ARK2N: variants seen among roughly 807,000 people sequenced by gnomAD.
The protein encoded by ARK2N is protein ARK2N.
the ARK2N span, among the ~76,000 whole-genome samples, chr18:46,193,082 C>T: frequency 2.0e-5 from 3 of 151,836 alleles, no homozygotes; most frequent in Admixed American, 2.0e-4. Flanking sequence ...AGGAGAATTG[C>T]TTGAACCTGG....
the ARK2N span, among the ~76,000 whole-genome samples, chr18:46,203,702 C>T: frequency 2.6e-5 from 4 of 152,066 alleles, no homozygotes; most frequent in African/African-American, 9.7e-5. Context: ...ATTCTTGTGC[C>T]TCGCCTCCTG....
chr18:46,200,316 G>GT, the ARK2N span, among the ~76,000 whole-genome samples: 95 of 150,278 alleles, frequency 6.3e-4, no homozygotes, highest in African/African-American at 2.0e-3. Context: ...TTGTTCGTTT[G>GT]TTTTTTTTTA....
At chr18:46,193,475 G>T in the ARK2N span, among the ~76,000 whole-genome samples, 1 of 151,772 alleles carries the variant, frequency 6.6e-6, no homozygotes, top group African/African-American at 2.4e-5. Flanking sequence ...TTTTAGTAGA[G>T]ATGGGGTTTC....
the ARK2N span, among the ~76,000 whole-genome samples, chr18:46,236,071 TAGTG>T: frequency 6.6e-6 from 1 of 152,228 alleles, no homozygotes; most frequent in African/African-American, 2.4e-5. Flanking sequence ...GATAGAAGCT[TAGTG>T]AGACAGTACA....
At chr18:46,220,346 A>G in the ARK2N span, among the ~76,000 whole-genome samples, 4 of 152,184 alleles carry the variant, frequency 2.6e-5, no homozygotes, top group Non-Finnish European at 4.4e-5. Context: ...ATTACTCACC[A>G]TACATATTTA....
At chr18:46,244,116 A>G in the ARK2N span, among the ~76,000 whole-genome samples, 2 of 152,134 alleles carry the variant, frequency 1.3e-5, no homozygotes, top group Non-Finnish European at 2.9e-5. Context: ...GGTTTCTGGG[A>G]ATCTCTTTTT....
the ARK2N span, among the ~76,000 whole-genome samples, chr18:46,241,682 G>A: frequency 8.6e-5 from 13 of 151,776 alleles, no homozygotes; most frequent in Non-Finnish European, 1.9e-4. Flanking sequence ...CTAAGATTGT[G>A]CCACTGCACT....
chr18:46,213,785 C>G, the ARK2N span, among the ~76,000 whole-genome samples: 1 of 152,164 alleles, frequency 6.6e-6, no homozygotes, highest in East Asian at 1.9e-4. Flanking sequence ...CAACCTCCGC[C>G]TCCCAGGTTC....
At chr18:46,204,073 A>T in the ARK2N span, among the ~76,000 whole-genome samples, 2 of 151,704 alleles carry the variant, frequency 1.3e-5, no homozygotes, top group East Asian at 3.9e-4. Flanking sequence ...GTTGATCTGT[A>T]GTATGTGTCT....
At chr18:46,192,619 C>T in the ARK2N span, among the ~76,000 whole-genome samples, 6 of 150,918 alleles carry the variant, frequency 4.0e-5, no homozygotes, top group African/African-American at 4.9e-5. Flanking sequence ...TCGCCCACGC[C>T]GGAGTGATGT....
At chr18:46,237,696 T>G in the ARK2N span, among the ~76,000 whole-genome samples, 7 of 152,316 alleles carry the variant, frequency 4.6e-5, no homozygotes, top group African/African-American at 1.4e-4. Flanking sequence ...CCCCAAGTGC[T>G]TTAAACAAAT....
At chr18:46,176,850 C>T in the ARK2N span, among the ~76,000 whole-genome samples, 2 of 152,168 alleles carry the variant, frequency 1.3e-5, no homozygotes, top group Non-Finnish European at 2.9e-5. Flanking sequence ...CTCCTGACCT[C>T]AGGCAATCTG....
At chr18:46,182,858 T>C in the ARK2N span, among the ~76,000 whole-genome samples, 1 of 152,084 alleles carries the variant, frequency 6.6e-6, no homozygotes, top group Admixed American at 6.6e-5. Flanking sequence ...TTTATATCAG[T>C]GGAGAAAAAG....
At chr18:46,225,242 C>T in the ARK2N span, among the ~76,000 whole-genome samples, 1 of 152,266 alleles carries the variant, frequency 6.6e-6, no homozygotes, top group Non-Finnish European at 1.5e-5. Context: ...AGTACTGCCA[C>T]AGCAGCCCTT....
the ARK2N span, among the ~76,000 whole-genome samples, chr18:46,221,754 A>G: frequency 6.6e-6 from 1 of 152,124 alleles, no homozygotes; most frequent in South Asian, 2.1e-4. Context: ...CAAATTTTAA[A>G]TATAAGGCAG....
the ARK2N span, among the ~76,000 whole-genome samples, chr18:46,176,367 CTG>C: frequency 6.6e-6 from 1 of 152,076 alleles, no homozygotes; most frequent in Middle Eastern, 3.4e-3. Context: ...CTGCACATAA[CTG>C]AGGATATGGA....
chr18:46,177,833 G>T, the ARK2N span, among the ~76,000 whole-genome samples: 11 of 152,112 alleles, frequency 7.2e-5, no homozygotes, highest in African/African-American at 2.4e-4. Context: ...CGCTCAGGAG[G>T]TTGAGGCTAC....
the ARK2N span, chr18:46,266,633 C>T: frequency 3.9e-5 from 6 of 152,530 alleles, no homozygotes; most frequent in South Asian, 2.1e-4. Context: ...CTCCTCTTAC[C>T]GTGAAAATGA....
At chr18:46,201,352 A>G in the ARK2N span, among the ~76,000 whole-genome samples, 1 of 152,062 alleles carries the variant, frequency 6.6e-6, no homozygotes, top group African/African-American at 2.4e-5. Context: ...TATGTGTAGG[A>G]TGATTCCTTG....
Sources: allele counts gnomAD v4.1 joint callset (sites outside exome capture counted in the v4.1 genomes callset), GRCh38; gene constraint gnomAD v4.1.1; transcripts MANE v1.5; gene names NCBI Gene and HGNC (gene_info 2026-07-23, HGNC 2026-07-21).